The following SYDE1 variants were observed in gnomAD, a reference collection of about 807,000 sequenced individuals.
SYDE1 encodes the protein rho GTPase-activating protein SYDE1.
SYDE1 carries 34 observed loss-of-function variants against 63.3 expected under a neutral mutation model. The observed-to-expected ratio is 0.54, with a 90% CI of 0.41 to 0.71. The LOEUF is 0.71. Ranked by LOEUF, SYDE1 falls within the 30% of genes least tolerant of loss-of-function variation. The pLI, the probability that SYDE1 is intolerant of heterozygous loss-of-function variation, is 0.00. For synonymous variants in SYDE1, 467 were observed against 473.4 expected (o/e 0.99, Z 0.18); for missense variants, 925 against 1,042.5 (o/e 0.89, Z 1.55).
chr19:15,109,634 G>A lies in SYDE1; in HGVS notation c.431-70G>A. On this transcript the variant is annotated intron_variant, in intron 2 of 7. Transcript: ENST00000342784. The surrounding 1 kb of genome is among the most constrained non-coding windows in gnomAD (Gnocchi z 5.0). Reference sequence around the variant, plus strand: ...ACCAGCCTCACACTCCTTCCCTTCAGGGGAGCACCAGCCTCACCCCCCTCC... The same window carrying A: ...ACCAGCCTCACACTCCTTCCCTTCAAGGGAGCACCAGCCTCACCCCCCTCC... 9.9e-7 allele frequency: 1 copy of A among 1,012,442 alleles called. No homozygotes were observed. Among genetic ancestry groups the A allele is most frequent in the Non-Finnish European group, 1.4e-6 (1 of 711,766 alleles). 62.7% of individuals were successfully genotyped at this position (1,012,442 alleles called of 1,614,324 possible).
chr19:15,114,177 G>A lies in SYDE1; in HGVS notation c.*214G>A, dbSNP rs148726412. ...ACTAGTTGCCAAGTCTGGGGCCTGG[G>A]GATTTTAGGGACCAGCGGTTGTGAC... On this transcript the variant is annotated 3_prime_UTR_variant, in exon 8 of 8. Transcript: ENST00000342784. The A allele has an allele frequency of 6.6e-4, 368 of 558,982 alleles. 3 individuals carry two copies. In the East Asian group the frequency reaches 0.011, roughly 17 times the overall value. The allele number at this position is 558,982 out of a possible 1,614,324, so 34.6% of individuals were successfully genotyped here. A position where few individuals can be genotyped will look rare whatever the true frequency, so the allele number is the denominator to read the frequency against.
chr19:15,114,627 G>GCC lies in SYDE1; in HGVS notation c.*674_*675dup, dbSNP rs35125109. On this transcript the variant is annotated 3_prime_UTR_variant, in exon 8 of 8. Coordinates refer to ENST00000342784, the MANE Select transcript of SYDE1 (RefSeq NM_033025.6). Reference sequence around the variant, plus strand: ...ATCCCCATCTCCTTGCCCCCCCCTTGCCCCCCCCCCCGAAAAAAATTGAGC... The same window carrying GCC: ...ATCCCCATCTCCTTGCCCCCCCCTTGCCCCCCCCCCCCCGAAAAAAATTGAGC... The GCC allele has an allele frequency of 0.16, 15,438 of 94,754 alleles. 2,144 individuals carry two copies. Among genetic ancestry groups the GCC allele is most frequent in the Non-Finnish European group, 0.21 (10,473 of 49,558 alleles). 5.9% of individuals were successfully genotyped at this position (94,754 alleles called of 1,614,324 possible). A position where few individuals can be genotyped will look rare whatever the true frequency, so the allele number is the denominator to read the frequency against.
chr19:15,112,032 A>G (rs2046348768), intron 6 of SYDE1, among the ~76,000 whole-genome samples: 3 of 152,030 alleles, frequency 2.0e-5, no homozygotes, highest in Admixed American at 2.0e-4. Flanking sequence ...TGATCTTTCA[A>G]CCTACAAGGG....
chr19:15,110,846 C>A lies in SYDE1; in HGVS notation c.1290+111C>A. 1.0e-6 allele frequency: 1 copy of A among 968,290 alleles called. No individual in the cohort carries two copies. The highest frequency in any genetic ancestry group is 1.5e-6 in the Non-Finnish European group (1 of 673,376). The allele number at this position is 968,290 out of a possible 1,614,324, so 60.0% of individuals were successfully genotyped here. A position where few individuals can be genotyped will look rare whatever the true frequency, so the allele number is the denominator to read the frequency against. ...ACCCCCAGGCCTGAGCCACTCCTAGCTCCAATCCCAACCTAGACAAGGGCA... is the reference window on the plus strand; with the variant it reads ...ACCCCCAGGCCTGAGCCACTCCTAGATCCAATCCCAACCTAGACAAGGGCA... On this transcript the variant is annotated intron_variant, in intron 4 of 7. Transcript: ENST00000342784. This position sits in a 1 kb window ranked among gnomAD's most constrained non-coding sequence, Gnocchi z 6.9.
chr19:15,114,904 C>T lies in SYDE1; in HGVS notation c.*941C>T, dbSNP rs544793221. On this transcript the variant is annotated 3_prime_UTR_variant, in exon 8 of 8. Coordinates refer to ENST00000342784, the MANE Select transcript of SYDE1 (RefSeq NM_033025.6). ...GCCCCAGAGTTCCAGTGGGAGAGTA[C>T]GGTTCCCTCCTGTCTCCCTCTTCTT... 5.5e-5 allele frequency: 20 copies of T among 362,264 alleles called. No homozygotes were observed. The East Asian group carries it at 1.2e-3, about 22-fold the overall frequency. 22.4% of individuals were successfully genotyped at this position (362,264 alleles called of 1,614,324 possible).
rs925269367 is a variant in SYDE1 at position 15,107,412 on chromosome 19, T to TCGGCC, written c.-13_-9dup. ...CCGGAGCCCGGGGCGCGCACTCGGC[T>TCGGCC]CGGCCCGGCCCGGGCCGCAGCATGG... On this transcript the variant is annotated 5_prime_UTR_variant, in exon 1 of 8. Coordinates refer to ENST00000342784, the MANE Select transcript of SYDE1 (RefSeq NM_033025.6). 2.3e-5 allele frequency: 27 copies of TCGGCC among 1,157,614 alleles called. No individual in the cohort carries two copies. The highest frequency in any genetic ancestry group is 1.4e-4 in the Admixed American group (4 of 28,382). The allele number at this position is 1,157,614 out of a possible 1,614,324, so 71.7% of individuals were successfully genotyped here.
At position 15,108,961 on chromosome 19, in the gene SYDE1, C is replaced by T; in HGVS notation, c.89-95C>T. On this transcript the variant is annotated intron_variant, in intron 1 of 7. Coordinates refer to ENST00000342784, the MANE Select transcript of SYDE1 (RefSeq NM_033025.6). This position sits in a 1 kb window ranked among gnomAD's most constrained non-coding sequence, Gnocchi z 4.3. ...ATGACTTATCAGGGGCCGGCCAGGG[C>T]CGTACACAGCATCCCACCCACTGAT... The T allele has an allele frequency of 6.3e-6, 9 of 1,426,286 alleles. 1 individual carries two copies. The highest frequency in any genetic ancestry group is 4.5e-5 in the South Asian group (3 of 66,192). The allele number at this position is 1,426,286 out of a possible 1,614,324, so 88.4% of individuals were successfully genotyped here. A position where few individuals can be genotyped will look rare whatever the true frequency, so the allele number is the denominator to read the frequency against.
Position 15,113,651 on chromosome 19 carries a change from A to G in SYDE1, c.1896A>G (p.Glu632=). 1 of 1,613,038 alleles carries G rather than the reference A, an allele frequency of 6.2e-7. No individual in the cohort carries two copies. The highest frequency in any genetic ancestry group is 8.5e-7 in the Non-Finnish European group (1 of 1,179,650). Residue 632 remains glutamate, a synonymous_variant, in exon 8 of 8, where the codon GAA becomes GAG. Coordinates refer to ENST00000342784, the MANE Select transcript of SYDE1 (RefSeq NM_033025.6). ...PPLHLPLADP[E]VVTRPRGRGG... ...TGCACCTGCCGCTGGCAGACCCCGA[A>G]GTGGTGACTCGGCCCCGCGGTCGAG...
In SYDE1 at chr19:15,113,744, G is replaced by A. The variant is rs1197878829; in HGVS notation, c.1989G>A (p.Leu663=). 6.2e-7 allele frequency: 1 copy of A among 1,613,810 alleles called. No homozygotes were observed. Among genetic ancestry groups the A allele is most frequent in the Non-Finnish European group, 8.5e-7 (1 of 1,179,870 alleles). Residue 663 remains leucine (L), a synonymous_variant, in exon 8 of 8, where the codon CTG becomes CTA. Transcript: ENST00000342784. ...GGAGCGTTTGCGGGCGGGACTTCCTGCCCTGTGGGCGGGATTTCCTGTCCG... is the reference window on the plus strand; with the variant it reads ...GGAGCGTTTGCGGGCGGGACTTCCTACCCTGTGGGCGGGATTTCCTGTCCG... ...GDWSVCGRDF[L]PCGRDFLSGP...
chr19:15,108,878 C>G lies in SYDE1; in HGVS notation c.89-178C>G. 9.8e-7 allele frequency: 1 copy of G among 1,020,776 alleles called. No homozygotes were observed. The highest frequency in any genetic ancestry group is 2.2e-5 in the South Asian group (1 of 46,470). The allele number at this position is 1,020,776 out of a possible 1,614,324, so 63.2% of individuals were successfully genotyped here. A position where few individuals can be genotyped will look rare whatever the true frequency, so the allele number is the denominator to read the frequency against. Reference sequence around the variant, plus strand: ...AGTAGGGGGTGCTCTAAGCTGATAACTGAGATCGCTAGCCTGTGGCTGCCT... The same window carrying G: ...AGTAGGGGGTGCTCTAAGCTGATAAGTGAGATCGCTAGCCTGTGGCTGCCT... On this transcript the variant is annotated intron_variant, in intron 1 of 7. Coordinates refer to ENST00000342784, the MANE Select transcript of SYDE1 (RefSeq NM_033025.6). The surrounding 1 kb of genome is among the most constrained non-coding windows in gnomAD (Gnocchi z 4.3).
chr19:15,113,001 T>C (rs1284785298), intron 7 of SYDE1, among the ~76,000 whole-genome samples: 2 of 152,038 alleles, frequency 1.3e-5, no homozygotes, highest in South Asian at 2.1e-4. Flanking sequence ...GCCTCCCAGG[T>C]TCAAGGGATT....
At position 15,108,287 on chromosome 19, in the gene SYDE1, T is replaced by TC. The variant is rs980779427; in HGVS notation, c.89-763dup. Among the ~76,000 whole-genome samples the TC allele has an allele frequency of 6.6e-6, 1 of 151,716 alleles. No individual in the cohort carries two copies. The highest frequency in any genetic ancestry group is 2.4e-5 in the African/African-American group (1 of 41,256). ...CAGACCATTCCATGGACGTACCCCT[T>TC]CCCCCCAGGCCTTCCCAAAGATTCC... On this transcript the variant is annotated intron_variant, in intron 1 of 7. Coordinates refer to ENST00000342784, the MANE Select transcript of SYDE1 (RefSeq NM_033025.6). This position sits in a 1 kb window ranked among gnomAD's most constrained non-coding sequence, Gnocchi z 4.3.
rs774991155 is a variant in SYDE1, at chr19:15,113,540, C to T, written c.1805-20C>T. 3.3e-6 allele frequency: 5 copies of T among 1,524,936 alleles called. No homozygotes were observed. In the African/African-American group the frequency reaches 6.9e-5, roughly 21 times the overall value. The allele number at this position is 1,524,936 out of a possible 1,614,324, so 94.5% of individuals were successfully genotyped here. On this transcript the variant is annotated intron_variant, in intron 7 of 7. Coordinates refer to ENST00000342784, the MANE Select transcript of SYDE1 (RefSeq NM_033025.6). ...GGTCGGCTGTCGCCTCTTTCTATGA[C>T]CTACCCTGTCTCCCTTCAGATCCCC...
Position 15,113,803 on chromosome 19 carries a change from G to A in SYDE1, c.2048G>A (p.Ser683Asn). Residue 683 changes from serine to asparagine, a missense_variant, in exon 8 of 8, where the codon AGC becomes AAC. Physicochemically the swap from Ser to Asn is conservative, Grantham distance 46 (BLOSUM62 1). This residue lies in a region of SYDE1 where 255 missense variants were observed against 255.9 expected (regional missense o/e 1.00). Transcript: ENST00000342784. ...TACGACCACGTGACGGGCAGTGACA[G>A]CGAGGACGAGGACGAGGAGGTCGGC... ...PDYDHVTGSDSEDEDEEVGEP... is the reference protein window; with the variant it reads ...PDYDHVTGSDNEDEDEEVGEP... 1 of 1,614,154 alleles carries A rather than the reference G, an allele frequency of 6.2e-7. No individual in the cohort carries two copies. The highest frequency in any genetic ancestry group is 1.3e-5 in the African/African-American group (1 of 75,082).
Position 15,111,616 on chromosome 19 carries a change from G to A in SYDE1, c.1418-16G>A. On this transcript the variant is annotated splice_polypyrimidine_tract_variant and intron_variant, in intron 5 of 7. Transcript: ENST00000342784. The surrounding 1 kb of genome is among the most constrained non-coding windows in gnomAD (Gnocchi z 5.5). ...AGCCAGTGGTGCCCTGACCAGAGGGGACCCTGTGTTCACAGGCATCCTCAA... is the reference window on the plus strand; with the variant it reads ...AGCCAGTGGTGCCCTGACCAGAGGGAACCCTGTGTTCACAGGCATCCTCAA... 6.2e-7 allele frequency: 1 copy of A among 1,613,352 alleles called. No individual in the cohort carries two copies. Among genetic ancestry groups the A allele is most frequent in the Non-Finnish European group, 8.5e-7 (1 of 1,179,840 alleles).
rs993233377 is a variant in SYDE1 at position 15,110,433 on chromosome 19, TC to T, written c.1076-86del. The T allele has an allele frequency of 1.4e-6, 2 of 1,479,804 alleles. No homozygotes were observed. Among genetic ancestry groups the T allele is most frequent in the African/African-American group, 2.8e-5 (2 of 71,972 alleles). 91.7% of individuals were successfully genotyped at this position (1,479,804 alleles called of 1,614,324 possible). A position where few individuals can be genotyped will look rare whatever the true frequency, so the allele number is the denominator to read the frequency against. ...CCGCAGAGTGCCTAGGGGGCTGGGC[TC>T]CGGGCGGAAGGTGTGGCCTGGAGCA... On this transcript the variant is annotated intron_variant, in intron 3 of 7. Coordinates refer to ENST00000342784, the MANE Select transcript of SYDE1 (RefSeq NM_033025.6). The surrounding 1 kb of genome is among the most constrained non-coding windows in gnomAD (Gnocchi z 6.9).
rs1169194388 is a variant in SYDE1 at position 15,108,124 on chromosome 19, G to A, written c.88+603G>A. ...CGACTTAAACAGCTCTTTGGACTATGCTACAAACAGAGACCCTAGAGGGTG... is the reference window on the plus strand; with the variant it reads ...CGACTTAAACAGCTCTTTGGACTATACTACAAACAGAGACCCTAGAGGGTG... On this transcript the variant is annotated intron_variant, in intron 1 of 7. Transcript: ENST00000342784. The surrounding 1 kb of genome is among the most constrained non-coding windows in gnomAD (Gnocchi z 4.3). 6.6e-6 allele frequency among the ~76,000 whole-genome samples: 1 copy of A among 152,138 alleles called. No homozygotes were observed. Among genetic ancestry groups the A allele is most frequent in the East Asian group, 1.9e-4 (1 of 5,186 alleles).
chr19:15,111,445 C>T lies in SYDE1; in HGVS notation c.1417+6C>T, dbSNP rs1241064259. On this transcript the variant is annotated splice_donor_region_variant and intron_variant, in intron 5 of 7. Coordinates refer to ENST00000342784, the MANE Select transcript of SYDE1 (RefSeq NM_033025.6). This position sits in a 1 kb window ranked among gnomAD's most constrained non-coding sequence, Gnocchi z 5.5. ...CGATATCAATGTCATCACTGGTCAG[C>T]ATGGCCCCCTCTCCCCTGCCTGCTC... The T allele has an allele frequency of 6.2e-7, 1 of 1,613,634 alleles. No homozygotes were observed. Among genetic ancestry groups the T allele is most frequent in the Non-Finnish European group, 8.5e-7 (1 of 1,179,648 alleles).
In SYDE1 at chr19:15,110,361, G is replaced by A; in HGVS notation, c.1075+13G>A. The A allele has an allele frequency of 1.4e-6, 2 of 1,434,740 alleles. No homozygotes were observed. The highest frequency in any genetic ancestry group is 1.8e-6 in the Non-Finnish European group (2 of 1,095,670). The allele number at this position is 1,434,740 out of a possible 1,614,324, so 88.9% of individuals were successfully genotyped here. ...ACGGTCTTCCGAGGTAGGACATGCG[G>A]CTGCAGGGGAGGAGGGGCAGGGACC... is the stretch of plus-strand genomic sequence containing the variant. On this transcript the variant is annotated intron_variant, in intron 3 of 7. Transcript: ENST00000342784. This position sits in a 1 kb window ranked among gnomAD's most constrained non-coding sequence, Gnocchi z 6.9.
Sources: allele counts gnomAD v4.1 joint callset (sites outside exome capture counted in the v4.1 genomes callset), GRCh38; gene constraint gnomAD v4.1.1; regional missense constraint gnomAD v4.1.1; non-coding constraint Gnocchi (gnomAD v3.1); transcripts MANE v1.5; gene names NCBI Gene and HGNC (gene_info 2026-07-23, HGNC 2026-07-21).